The following KIF6 variants were observed in gnomAD, a reference collection of about 807,000 sequenced individuals.
The protein encoded by KIF6 is kinesin family member 6, also known as kinesin-like protein KIF6.
A neutral mutation model predicts 112.7 loss-of-function variants in KIF6; 106 were observed. The ratio of observed to expected loss-of-function variants is 0.94; its 90% CI spans 0.80 to 1.11. The LOEUF (loss-of-function observed/expected upper bound fraction) is 1.11. KIF6 is among the 50% of genes least tolerant of loss of function. The probability of loss-of-function intolerance (pLI) is 0.00; values close to 1 mark genes in which losing one functional copy is unlikely to be tolerated. For synonymous variants in KIF6, 339 were observed against 339.9 expected (o/e 1.00, Z 0.03); for missense variants, 929 against 964.0 (o/e 0.96, Z 0.48).
chr6:39,458,648 T>C (rs1379716733), intron 13 of KIF6, among the ~76,000 whole-genome samples: 3 of 137,486 alleles, frequency 2.2e-5, no homozygotes, highest in African/African-American at 8.3e-5. Flanking sequence ...AAAATCTCCT[T>C]AAGGTGATAA....
intron 6 of KIF6, among the ~76,000 whole-genome samples, chr6:39,602,336 A>G (rs975037776): frequency 3.3e-5 from 5 of 152,140 alleles, no homozygotes; most frequent in African/African-American, 1.2e-4. Flanking sequence ...ATGGTTAAAG[A>G]AAGTTATTTT....
intron 1 of KIF6, among the ~76,000 whole-genome samples, chr6:39,722,898 A>T (rs1158812860): frequency 1.3e-5 from 2 of 152,224 alleles, no homozygotes; most frequent in African/African-American, 4.8e-5. Context: ...AAAGACATAC[A>T]AAATGAGGTA....
intron 15 of KIF6, among the ~76,000 whole-genome samples, chr6:39,405,574 T>C (rs9471092): frequency 0.73 from 110,975 of 152,068 alleles, 42,148 homozygotes; most frequent in South Asian, 0.89. Flanking sequence ...TTGGTCATGG[T>C]ATATTAGTCT....
At chr6:39,344,092 C>A (rs1259885872) in intron 21 of KIF6, among the ~76,000 whole-genome samples, 1 of 152,164 alleles carries the variant, frequency 6.6e-6, no homozygotes, top group Admixed American at 6.5e-5. Flanking sequence ...CCCATAATTT[C>A]CACGTGTTGT....
chr6:39,710,311 C>G (rs990379405), intron 3 of KIF6, among the ~76,000 whole-genome samples: 1 of 152,108 alleles, frequency 6.6e-6, no homozygotes, highest in African/African-American at 2.4e-5. Flanking sequence ...GGGTAGGCCA[C>G]AGTGAACAGA....
intron 16 of KIF6, among the ~76,000 whole-genome samples, chr6:39,371,278 A>G (rs1005941079): frequency 5.9e-5 from 9 of 152,090 alleles, no homozygotes; most frequent in Middle Eastern, 3.4e-3. Context: ...GGAGAAGGAA[A>G]CCTGGAGGCG....
chr6:39,491,211 A>G (rs1462190088), intron 13 of KIF6, among the ~76,000 whole-genome samples: 1 of 152,022 alleles, frequency 6.6e-6, no homozygotes, highest in African/African-American at 2.4e-5. Flanking sequence ...AACTCTCTTG[A>G]AGCCTTTAGT....
chr6:39,646,712 T>C (rs949336415), intron 3 of KIF6, among the ~76,000 whole-genome samples: 1 of 152,210 alleles, frequency 6.6e-6, no homozygotes, highest in East Asian at 1.9e-4. Flanking sequence ...TTTAAGCTAA[T>C]AGAAATACGC....
At chr6:39,423,767 C>T (rs1256322436) in intron 14 of KIF6, among the ~76,000 whole-genome samples, 6 of 152,098 alleles carry the variant, frequency 3.9e-5, no homozygotes, top group African/African-American at 1.4e-4. Flanking sequence ...TTAGCGCCTT[C>T]CCTCAATCCT....
chr6:39,399,945 A>G (rs1768562091), intron 15 of KIF6, among the ~76,000 whole-genome samples: 2 of 152,254 alleles, frequency 1.3e-5, no homozygotes, highest in South Asian at 4.1e-4. Context: ...CGTGCCCAGC[A>G]GGCAGCAGCC....
chr6:39,692,113 C>T (rs1477620522), intron 3 of KIF6, among the ~76,000 whole-genome samples: 1 of 152,188 alleles, frequency 6.6e-6, no homozygotes, highest in Non-Finnish European at 1.5e-5. Context: ...CTCGCCACTG[C>T]ACTGCAGCCT....
At chr6:39,381,794 A>T (rs566004598) in intron 16 of KIF6, among the ~76,000 whole-genome samples, 1 of 152,216 alleles carries the variant, frequency 6.6e-6, no homozygotes, top group Non-Finnish European at 1.5e-5. Context: ...TTTTAAAATA[A>T]ATAGGTATTT....
intron 13 of KIF6, among the ~76,000 whole-genome samples, chr6:39,489,527 T>C (rs2150472965): frequency 6.6e-6 from 1 of 152,118 alleles, no homozygotes; most frequent in Middle Eastern, 3.4e-3. Context: ...TACTAGCACT[T>C]GAGCAAAAAC....
At chr6:39,367,788 C>T (rs1025552893) in intron 16 of KIF6, among the ~76,000 whole-genome samples, 1 of 152,204 alleles carries the variant, frequency 6.6e-6, no homozygotes, top group Non-Finnish European at 1.5e-5. Flanking sequence ...AACGCTCTCT[C>T]TCCCACGCAG....
intron 13 of KIF6, among the ~76,000 whole-genome samples, chr6:39,477,900 G>A (rs1011364835): frequency 1.3e-5 from 2 of 152,082 alleles, no homozygotes; most frequent in Admixed American, 1.3e-4. Context: ...AAATTTTATT[G>A]TATATATTTG....
In KIF6 at chr6:39,578,157, C is replaced by G. The variant is rs780790388; in HGVS notation, c.1080G>C (p.Val360=). 3 of 1,606,448 alleles carry G rather than the reference C, an allele frequency of 1.9e-6. No homozygotes were observed. The highest frequency in any genetic ancestry group is 1.7e-4 in the Middle Eastern group (1 of 6,048). Residue 360 remains valine, a splice_region_variant and synonymous_variant, in exon 10 of 23, where the codon GTG becomes GTC. Coordinates refer to ENST00000287152, the MANE Select transcript of KIF6 (RefSeq NM_145027.6). ...VLNEEINPRL[V]IKRLQKEIQE... is the part of the protein sequence containing the mutation. ...GGATTTCCTTTTGTAGGCGTTTAATCACCTACAAATGGCAAAGAGGCAGAG... is the reference window on the plus strand; with the variant it reads ...GGATTTCCTTTTGTAGGCGTTTAATGACCTACAAATGGCAAAGAGGCAGAG...
At chr6:39,518,956 G>A (rs1391364177) in intron 13 of KIF6, among the ~76,000 whole-genome samples, 2 of 152,182 alleles carry the variant, frequency 1.3e-5, no homozygotes, top group Non-Finnish European at 2.9e-5. Flanking sequence ...ATGCAGTGAA[G>A]ATGGGAAAAC....
rs1231453366 is a variant in KIF6 at position 39,345,930 on chromosome 6, T to C, written c.2232-141A>G. 3 of 640,030 alleles carry C rather than the reference T, an allele frequency of 4.7e-6. No individual in the cohort carries two copies. The African/African-American group carries it at 5.5e-5, about 12-fold the overall frequency. 39.6% of individuals were successfully genotyped at this position (640,030 alleles called of 1,614,324 possible). ...GTGGACACCCTAATTCCCAGTGTGATGGCATTGGGCAGTGGGGCCTTTGGG... is the reference window on the plus strand; with the variant it reads ...GTGGACACCCTAATTCCCAGTGTGACGGCATTGGGCAGTGGGGCCTTTGGG... On this transcript the variant is annotated intron_variant, in intron 20 of 22. Coordinates refer to ENST00000287152, the MANE Select transcript of KIF6 (RefSeq NM_145027.6).
At chr6:39,401,994 G>A (rs770889240) in intron 15 of KIF6, among the ~76,000 whole-genome samples, 2 of 152,054 alleles carry the variant, frequency 1.3e-5, no homozygotes, top group African/African-American at 2.4e-5. Context: ...TTGTTTTCTG[G>A]CCTGGCAAAT....
Sources: allele counts gnomAD v4.1 joint callset (sites outside exome capture counted in the v4.1 genomes callset), GRCh38; gene constraint gnomAD v4.1.1; transcripts MANE v1.5; gene names NCBI Gene and HGNC (gene_info 2026-07-23, HGNC 2026-07-21).